SLC3A2: variants seen among roughly 807,000 people sequenced by gnomAD.
SLC3A2 encodes amino acid transporter heavy chain SLC3A2.
A neutral mutation model predicts 48.5 loss-of-function variants in SLC3A2; 32 were observed. The observed-to-expected ratio is 0.66, with a 90% CI of 0.50 to 0.89. SLC3A2 has a LOEUF of 0.89. Ranked by LOEUF, SLC3A2 falls within the 40% of genes least tolerant of loss-of-function variation. The pLI, the probability that SLC3A2 is intolerant of heterozygous loss-of-function variation, is 0.00. For synonymous variants in SLC3A2, 277 were observed against 288.8 expected, an observed-to-expected ratio of 0.96 and a Z score of 0.41; for missense variants, 587 against 680.7, an observed-to-expected ratio of 0.86 and a Z score of 1.53.
At chr11:62,860,378 G>A (rs572666984) in intron 1 of SLC3A2, among the ~76,000 whole-genome samples, 4 of 151,636 alleles carry the variant, frequency 2.6e-5, no homozygotes, top group Admixed American at 6.6e-5. Context: ...GATGGCGTGC[G>A]CCTGTAGTCC....
intron 3 of SLC3A2, 142 bp from the exon 4 acceptor site, chr11:62,884,315 G>T: frequency 1.3e-6 from 1 of 795,818 alleles, no homozygotes; most frequent in Non-Finnish European, 2.1e-6. Context: ...TTGTAGTGCA[G>T]GTGGGGAAGA....
chr11:62,864,066 ATT>A (rs988540278), intron 1 of SLC3A2, among the ~76,000 whole-genome samples: 11 of 152,038 alleles, frequency 7.2e-5, no homozygotes, highest in South Asian at 2.1e-4. Context: ...CTGGAGATAT[ATT>A]TCTAAGTCTG....
rs541507991 is a variant in SLC3A2, at chr11:62,884,813, C to CTTTTTT, written c.818+153_818+158dup. 7.9e-4 allele frequency: 44 copies of CTTTTTT among 56,010 alleles called. 5 individuals carry two copies. Among genetic ancestry groups the CTTTTTT allele is most frequent in the African/African-American group, 3.3e-3 (25 of 7,638 alleles). The allele number at this position is 56,010 out of a possible 1,614,324, so 3.5% of individuals were successfully genotyped here. A position where few individuals can be genotyped will look rare whatever the true frequency, so the allele number is the denominator to read the frequency against. On this transcript the variant is annotated intron_variant, in intron 5 of 8. Transcript: ENST00000338663. ...TTCTTTACCTTTATTCTTTCTTTAGCTTTTTTTTTTTTTTTTTTTTTTTTT... is the reference window on the plus strand; with the variant it reads ...TTCTTTACCTTTATTCTTTCTTTAGCTTTTTTTTTTTTTTTTTTTTTTTTTTTTTTT...
At chr11:62,872,760 AC>A (rs1367290774) in intron 1 of SLC3A2, among the ~76,000 whole-genome samples, 2 of 152,042 alleles carry the variant, frequency 1.3e-5, no homozygotes, top group Admixed American at 1.3e-4. Context: ...GTGCCACCAC[AC>A]CTGGCTAATT....
intron 5 of SLC3A2, 78 bp downstream of exon 5, chr11:62,884,768 G>A (rs564193129): frequency 1.2e-5 from 13 of 1,128,104 alleles, no homozygotes; most frequent in Middle Eastern, 5.4e-4. Flanking sequence ...AAGAAGGGGG[G>A]ATTCCTAGTC....
At chr11:62,879,684 A>G, upstream of SLC3A2, among the ~76,000 whole-genome samples, 1 of 152,208 alleles carries the variant, frequency 6.6e-6, no homozygotes, top group Non-Finnish European at 1.5e-5. Flanking sequence ...ATACACAGCA[A>G]TCTTGGCTTC....
In SLC3A2 at chr11:62,885,363, T is replaced by A; in HGVS notation, c.999+6T>A. 6.2e-7 allele frequency: 1 copy of A among 1,614,136 alleles called. No individual in the cohort carries two copies. The highest frequency in any genetic ancestry group is 1.1e-5 in the South Asian group (1 of 91,080). On this transcript the variant is annotated splice_donor_region_variant and intron_variant, in intron 6 of 8. Transcript: ENST00000338663. ...ATCGCTGGTGCAGCTGGAGTGTGAGTACCATGCTGGTGGGAAAGGGGGCAG... is the reference window on the plus strand; with the variant it reads ...ATCGCTGGTGCAGCTGGAGTGTGAGAACCATGCTGGTGGGAAAGGGGGCAG...
rs2085641447 is a variant in SLC3A2 at position 62,881,674 on chromosome 11, C to T, written c.425-219C>T. The stretch of plus-strand genomic sequence containing the variant: ...TCACGAGGGTGGGTGACTCAGCGTC[C>T]TCCTTCCCCGCGGCGCCAGAAGCCA... On this transcript the variant is annotated intron_variant, in intron 1 of 8. Transcript: ENST00000338663. The surrounding 1 kb of genome is among the most constrained non-coding windows in gnomAD (Gnocchi z 4.0). The T allele has an allele frequency of 9.2e-6, 8 of 864,946 alleles. No individual in the cohort carries two copies. The highest frequency in any genetic ancestry group is 1.4e-5 in the Non-Finnish European group (8 of 581,388). The allele number at this position is 864,946 out of a possible 1,614,324, so 53.6% of individuals were successfully genotyped here.
intron 1 of SLC3A2, among the ~76,000 whole-genome samples, chr11:62,868,313 C>T: frequency 6.7e-6 from 1 of 150,362 alleles, no homozygotes; most frequent in Non-Finnish European, 1.5e-5. Context: ...GAGAGTTTCT[C>T]TAGGGTATGA....
chr11:62,878,750 T>C (rs1445711674), upstream of SLC3A2, among the ~76,000 whole-genome samples: 2 of 150,036 alleles, frequency 1.3e-5, no homozygotes, highest in African/African-American at 2.5e-5. Flanking sequence ...GTGCTGGTAT[T>C]ACAGGTGTGA....
intron 1 of SLC3A2, among the ~76,000 whole-genome samples, chr11:62,870,368 G>A (rs553488049): frequency 8.1e-4 from 122 of 151,350 alleles, no homozygotes; most frequent in African/African-American, 2.7e-3. Flanking sequence ...TTTTAGTAGA[G>A]ATGGGGTTTT....
rs558721946 is a variant in SLC3A2, at chr11:62,871,281, C to A, written c.113-9738C>A. ...TGGTGTGAAGTCTTGCTCTGTTGCC[C>A]AGGCTGCAGTGCAGTGGCGTGATCT... On this transcript the variant is annotated intron_variant, in intron 1 of 9. Coordinates refer to the SLC3A2 transcript ENST00000377889. Among the ~76,000 whole-genome samples the A allele has an allele frequency of 2.0e-5, 3 of 150,550 alleles. No homozygotes were observed. The East Asian group carries it at 5.9e-4, about 29-fold the overall frequency.
At chr11:62,858,659 C>T (rs1299122343) in intron 1 of SLC3A2, among the ~76,000 whole-genome samples, 1 of 152,152 alleles carries the variant, frequency 6.6e-6, no homozygotes, top group Non-Finnish European at 1.5e-5. Context: ...TATGGAGGAT[C>T]CCGCCAGCCT....
intron 1 of SLC3A2, among the ~76,000 whole-genome samples, chr11:62,870,435 T>A (rs943291099): frequency 6.6e-6 from 1 of 151,574 alleles, no homozygotes; most frequent in Admixed American, 6.6e-5. Flanking sequence ...CCGCCCGCCT[T>A]GGCTTCCCAA....
At chr11:62,865,776 G>A (rs1443854691) in intron 1 of SLC3A2, among the ~76,000 whole-genome samples, 1 of 151,930 alleles carries the variant, frequency 6.6e-6, no homozygotes, top group African/African-American at 2.4e-5. Context: ...TGAATCAAAC[G>A]CCTCATGGCT....
At chr11:62,870,855 A>AATAATT (rs765651470) in intron 1 of SLC3A2, 57 of 134,824 alleles carry the variant, frequency 4.2e-4, no homozygotes, top group South Asian at 9.1e-4. Context: ...TAATAATAAT[A>AATAATT]ATTATTATTA....
At chr11:62,869,544 A>AG in intron 1 of SLC3A2, among the ~76,000 whole-genome samples, 1 of 150,714 alleles carries the variant, frequency 6.6e-6, no homozygotes, top group South Asian at 2.1e-4. Flanking sequence ...AAAAAAAAAA[A>AG]AAGAATAGAA....
chr11:62,888,768 T>A lies in SLC3A2; in HGVS notation c.*75T>A, dbSNP rs181564225. On this transcript the variant is annotated 3_prime_UTR_variant, in exon 9 of 9. Transcript: ENST00000338663. Reference sequence around the variant, plus strand: ...TTTGGCTTCTGATTTTTCTCTTTTTTAAAAACAAACAAACAAACTGTTGCA... The same window carrying A: ...TTTGGCTTCTGATTTTTCTCTTTTTAAAAAACAAACAAACAAACTGTTGCA... 15 of 1,380,208 alleles carry A rather than the reference T, an allele frequency of 1.1e-5. No homozygotes were observed. The Admixed American group carries it at 2.5e-4, about 23-fold the overall frequency. The allele number at this position is 1,380,208 out of a possible 1,614,324, so 85.5% of individuals were successfully genotyped here.
At position 62,881,544 on chromosome 11, in the gene SLC3A2, T is replaced by TCCC. The variant is rs1025306839; in HGVS notation, c.424+98_424+100dup. 1 of 1,444,684 alleles carries TCCC rather than the reference T, an allele frequency of 6.9e-7. No individual in the cohort carries two copies. The highest frequency in any genetic ancestry group is 1.4e-5 in the African/African-American group (1 of 70,814). 89.5% of individuals were successfully genotyped at this position (1,444,684 alleles called of 1,614,324 possible). ...TCCCCAGACGGATCTAGATGGTTCTTCCCTCCATCCCGTACCGACGACTGT... is the reference window on the plus strand; with the variant it reads ...TCCCCAGACGGATCTAGATGGTTCTTCCCCCCTCCATCCCGTACCGACGACTGT... On this transcript the variant is annotated intron_variant, in intron 1 of 8. Transcript: ENST00000338663. This position sits in a 1 kb window ranked among gnomAD's most constrained non-coding sequence, Gnocchi z 4.0.
Sources: gnomAD v4.1 joint callset for allele counts (sites outside exome capture counted in the v4.1 genomes callset) on GRCh38, gnomAD v4.1.1 for gene constraint, Gnocchi (gnomAD v3.1) non-coding constraint, MANE v1.5 for transcripts, NCBI Gene and HGNC (gene_info 2026-07-23, HGNC 2026-07-21) for gene names.